C3orf20: variants seen among roughly 807,000 people sequenced by gnomAD.
The protein encoded by C3orf20 is family with sequence similarity 149 member C.
In C3orf20, 76 loss-of-function variants were observed where a neutral mutation model predicts 88.3. The observed-to-expected ratio is 0.86, with a 90% CI of 0.72 to 1.04. The LOEUF (loss-of-function observed/expected upper bound fraction) is 1.04, where lower values mean the gene tolerates loss of function less well. Ranked by LOEUF, C3orf20 falls within the 50% of genes least tolerant of loss-of-function variation. The pLI, the probability that C3orf20 is intolerant of heterozygous loss-of-function variation, is 0.00. For synonymous variants in C3orf20, 436 were observed against 437.4 expected (o/e 1.00, Z 0.04); for missense variants, 1,056 against 1,123.3 (o/e 0.94, Z 0.86).
intron 15 of C3orf20, among the ~76,000 whole-genome samples, chr3:14,767,830 A>T (rs1259019638): frequency 2.0e-5 from 3 of 152,260 alleles, no homozygotes; most frequent in Non-Finnish European, 1.5e-5. Context: ...AGCACTCCGT[A>T]AGCTACTGTG....
intron 6 of C3orf20, among the ~76,000 whole-genome samples, 186 bp from the exon 7 acceptor site, chr3:14,704,151 C>T (rs1415538982): frequency 1.3e-5 from 2 of 152,164 alleles, no homozygotes; most frequent in Non-Finnish European, 2.9e-5. Flanking sequence ...CTTAGACGGG[C>T]ATTGGGAACT....
intron 5 of C3orf20, among the ~76,000 whole-genome samples, chr3:14,693,615 A>G (rs1189008948): frequency 6.6e-6 from 1 of 152,172 alleles, no homozygotes; most frequent in East Asian, 1.9e-4. Flanking sequence ...TTTTCCAAAT[A>G]TAAGATCATA....
At position 14,690,069 on chromosome 3, in the gene C3orf20, G is replaced by A. The variant is rs934987597; in HGVS notation, c.698G>A (p.Cys233Tyr). ...CTGATCTACCACTCTTCCACAGCCT[G>A]TCTGAGCTTTTCTCTCTCTGCTGGA... Reference protein sequence around the residue: ...YQLIYHSSTACLSFSLSAGKE... With the variant: ...YQLIYHSSTAYLSFSLSAGKE... The change falls in exon 5 of 17, where the codon TGT becomes TAT. Residue 233 changes from cysteine to tyrosine, a missense_variant. By Grantham distance (194) the Cys-to-Tyr change is radical. Coordinates refer to ENST00000253697, the MANE Select transcript of C3orf20 (RefSeq NM_032137.5). 2.5e-6 allele frequency: 4 copies of A among 1,614,070 alleles called. No individual in the cohort carries two copies. Among genetic ancestry groups the A allele is most frequent in the Non-Finnish European group, 3.4e-6 (4 of 1,180,042 alleles).
intron 15 of C3orf20, among the ~76,000 whole-genome samples, chr3:14,767,983 A>G (rs1338184696): frequency 1.3e-5 from 2 of 152,264 alleles, no homozygotes; most frequent in African/African-American, 2.4e-5. Flanking sequence ...ACCAACTGGA[A>G]TGAGACCTGA....
intron 12 of C3orf20, among the ~76,000 whole-genome samples, chr3:14,755,699 C>T (rs2035341731): frequency 6.6e-6 from 1 of 152,214 alleles, no homozygotes; most frequent in Non-Finnish European, 1.5e-5. Context: ...CCATTCACCT[C>T]GTGGGAACCT....
chr3:14,725,292 G>A lies in C3orf20; in HGVS notation c.1567-1609G>A, dbSNP rs116619594. Among the ~76,000 whole-genome samples the A allele has an allele frequency of 4.3e-3, 662 of 152,256 alleles. 5 individuals carry two copies. Among genetic ancestry groups the A allele is most frequent in the African/African-American group, 0.015 (622 of 41,536 alleles). On this transcript the variant is annotated intron_variant, in intron 10 of 16. Transcript: ENST00000253697. ...AGCTGCAAGGAGCTTCCAAGAAAATGTGCCGAGTGTTGGGGCTCCTCCCTC... is the reference window on the plus strand; with the variant it reads ...AGCTGCAAGGAGCTTCCAAGAAAATATGCCGAGTGTTGGGGCTCCTCCCTC...
At position 14,727,009 on chromosome 3, in the gene C3orf20, A is replaced by G. The variant is rs139395744; in HGVS notation, c.1675A>G (p.Ile559Val). The G allele has an allele frequency of 8.7e-4, 1,406 of 1,614,142 alleles. 2 individuals carry two copies. The highest frequency in any genetic ancestry group is 9.6e-4 in the Non-Finnish European group (1,135 of 1,180,028). Residue 559 changes from isoleucine (I) to valine (V), a missense_variant, in exon 11 of 17, where the codon ATC (isoleucine) becomes GTC (valine). By Grantham distance (29) the Ile-to-Val change is conservative. Transcript: ENST00000253697. ...GACAGTGACTCAGTTCATTAATTCTATCTTGCTGGCCGCAGGTAAGGAGGC... is the reference window on the plus strand; with the variant it reads ...GACAGTGACTCAGTTCATTAATTCTGTCTTGCTGGCCGCAGGTAAGGAGGC... Reference protein sequence around the residue: ...QKTVTQFINSILLAAGLFTIE... With the variant: ...QKTVTQFINSVLLAAGLFTIE...
At chr3:14,734,245 G>A (rs995172750) in intron 12 of C3orf20, among the ~76,000 whole-genome samples, 1 of 151,804 alleles carries the variant, frequency 6.6e-6, no homozygotes, top group Non-Finnish European at 1.5e-5. Flanking sequence ...TACTTTCTTT[G>A]GGTTTAATTT....
chr3:14,688,424 T>A (rs1157092222), intron 4 of C3orf20, among the ~76,000 whole-genome samples: 2 of 147,304 alleles, frequency 1.4e-5, no homozygotes, highest in Non-Finnish European at 3.0e-5. Context: ...CCCAGCTACT[T>A]GGGAGGCTGA....
At chr3:14,728,838 A>T in intron 12 of C3orf20, 150 bp downstream of exon 12, 1 of 741,638 alleles carries the variant, frequency 1.3e-6, no homozygotes, top group Non-Finnish European at 2.2e-6. Context: ...TGAATAAATG[A>T]TATAATTTTA....
chr3:14,678,950 C>T (rs2031937922), intron 1 of C3orf20, among the ~76,000 whole-genome samples: 1 of 152,212 alleles, frequency 6.6e-6, no homozygotes. Flanking sequence ...TTCTAGGCCA[C>T]TTTCCCAGTT....
Position 14,735,597 on chromosome 3 carries a change from AT to A in C3orf20, c.1940+6923del, listed in dbSNP as rs199506151. On this transcript the variant is annotated intron_variant, in intron 12 of 16. Coordinates refer to ENST00000253697, the MANE Select transcript of C3orf20 (RefSeq NM_032137.5). ...ACTATCCCATGAGACACTATTATGA[AT>A]TTTTTTTTTTTTTGAGGCGAAGTCT... Among the ~76,000 whole-genome samples the A allele has an allele frequency of 2.0e-3, 285 of 145,026 alleles. 1 individual carries two copies. The highest frequency in any genetic ancestry group is 2.6e-3 in the South Asian group (12 of 4,600).
chr3:14,696,127 T>TA (rs990533356), intron 5 of C3orf20, among the ~76,000 whole-genome samples: 1 of 151,326 alleles, frequency 6.6e-6, no homozygotes, highest in Admixed American at 6.6e-5. Context: ...TTGTTTTTTT[T>TA]TTTTATTTTT....
At chr3:14,695,675 G>T (rs10470604) in intron 5 of C3orf20, among the ~76,000 whole-genome samples, 23,923 of 152,002 alleles carry the variant, frequency 0.16, 2,131 homozygotes, top group Non-Finnish European at 0.2. Context: ...GGCTGCTCCA[G>T]TGTTGGGTAT....
intron 4 of C3orf20, 36 bp downstream of exon 4, chr3:14,684,418 G>A: frequency 6.2e-7 from 1 of 1,601,820 alleles, no homozygotes; most frequent in East Asian, 2.2e-5. Flanking sequence ...GGTAAGAAGT[G>A]CAAACAATAT....
intron 12 of C3orf20, among the ~76,000 whole-genome samples, chr3:14,746,367 A>G (rs1218626008): frequency 5.3e-5 from 8 of 152,212 alleles, no homozygotes; most frequent in Non-Finnish European, 1.2e-4. Flanking sequence ...AGCTGCTACT[A>G]GGTAAATTTA....
At chr3:14,723,226 G>A (rs1298073048) in intron 10 of C3orf20, among the ~76,000 whole-genome samples, 1 of 152,216 alleles carries the variant, frequency 6.6e-6, no homozygotes, top group Non-Finnish European at 1.5e-5. Context: ...CAAGCTTACA[G>A]ACGCCCAAAG....
intron 1 of C3orf20, among the ~76,000 whole-genome samples, chr3:14,678,299 A>G (rs934022156): frequency 2.0e-5 from 3 of 152,220 alleles, no homozygotes; most frequent in Admixed American, 6.5e-5. Context: ...ACACGTGGCC[A>G]TTGGGAACAT....
intron 12 of C3orf20, among the ~76,000 whole-genome samples, chr3:14,750,868 T>C (rs2035200471): frequency 6.6e-6 from 1 of 152,214 alleles, no homozygotes; most frequent in South Asian, 2.1e-4. Context: ...TTTTAGGCAA[T>C]TATTTCTTCA....
Sources: gnomAD v4.1 joint callset for allele counts (sites outside exome capture counted in the v4.1 genomes callset) on GRCh38, gnomAD v4.1.1 for gene constraint, MANE v1.5 for transcripts, NCBI Gene and HGNC (gene_info 2026-07-23, HGNC 2026-07-21) for gene names.